PDZRN4: variants seen among roughly 807,000 people sequenced by gnomAD.
PDZRN4 encodes PDZ domain containing ring finger 4, also known as PDZ domain-containing RING finger protein 4.
Under a neutral mutation model 99.0 loss-of-function variants are expected in PDZRN4, and 70 were observed. That is an observed-to-expected ratio of 0.71 (90% CI 0.58 to 0.86). The LOEUF is 0.86. Ranked by LOEUF, PDZRN4 falls within the 40% of genes least tolerant of loss-of-function variation. The pLI, the probability that PDZRN4 is intolerant of heterozygous loss-of-function variation, is 0.00. For synonymous variants in PDZRN4, 551 were observed against 501.6 expected (o/e 1.10, Z -1.32); for missense variants, 1,474 against 1,331.2 (o/e 1.11, Z -1.67).
At chr12:41,449,744 A>C (rs972217155) in intron 3 of PDZRN4, among the ~76,000 whole-genome samples, 2 of 152,200 alleles carry the variant, frequency 1.3e-5, no homozygotes, top group African/African-American at 4.8e-5. Flanking sequence ...AATTAAATGA[A>C]TCAATTATTG....
At chr12:41,569,110 T>C in intron 9 of PDZRN4, among the ~76,000 whole-genome samples, 1 of 145,424 alleles carries the variant, frequency 6.9e-6, no homozygotes, top group Non-Finnish European at 1.5e-5. Flanking sequence ...TCTATTCTTA[T>C]TATTATCATT....
chr12:41,317,473 T>TA (rs958254387), intron 3 of PDZRN4, among the ~76,000 whole-genome samples: 2 of 152,042 alleles, frequency 1.3e-5, no homozygotes, highest in Admixed American at 1.3e-4. Context: ...TCAGCTCATC[T>TA]AAAAAAATGC....
intron 3 of PDZRN4, among the ~76,000 whole-genome samples, chr12:41,416,863 C>T (rs753142414): frequency 1.8e-4 from 28 of 152,150 alleles, no homozygotes; most frequent in South Asian, 4.1e-4. Context: ...GGTACTCCAG[C>T]TGAGTCCAAA....
chr12:41,294,564 TTAAAA>T (rs1209918057), intron 3 of PDZRN4, among the ~76,000 whole-genome samples: 1 of 152,142 alleles, frequency 6.6e-6, no homozygotes, highest in Non-Finnish European at 1.5e-5. Flanking sequence ...ATTATTTTAC[TTAAAA>T]TAGTATAACA....
intron 3 of PDZRN4, among the ~76,000 whole-genome samples, chr12:41,392,995 G>A (rs1240337435): frequency 6.6e-6 from 1 of 152,172 alleles, no homozygotes; most frequent in Non-Finnish European, 1.5e-5. Context: ...GGTACCTGTT[G>A]TGCCCCAGGC....
At chr12:41,539,574 A>G (rs569638629) in intron 5 of PDZRN4, among the ~76,000 whole-genome samples, 4 of 152,246 alleles carry the variant, frequency 2.6e-5, no homozygotes, top group South Asian at 2.1e-4. Context: ...AAAATAGCTT[A>G]GAAACATTGC....
intron 3 of PDZRN4, among the ~76,000 whole-genome samples, chr12:41,469,705 G>A (rs1013611288): frequency 3.3e-5 from 5 of 152,112 alleles, no homozygotes; most frequent in Non-Finnish European, 7.4e-5. Flanking sequence ...GCCGAGGGGG[G>A]CCGATCACGA....
intron 3 of PDZRN4, among the ~76,000 whole-genome samples, chr12:41,394,346 C>A (rs981517266): frequency 5.3e-5 from 8 of 152,184 alleles, no homozygotes; most frequent in Non-Finnish European, 1.2e-4. Flanking sequence ...CCCAAAGATG[C>A]TATTCCAAGA....
intron 5 of PDZRN4, among the ~76,000 whole-genome samples, chr12:41,546,530 G>A (rs564043286): frequency 3.9e-5 from 6 of 152,312 alleles, no homozygotes; most frequent in Admixed American, 1.3e-4. Context: ...ACAGGACCTA[G>A]AAGAACATGT....
chr12:41,234,818 C>T (rs775793786), intron 3 of PDZRN4, among the ~76,000 whole-genome samples: 5 of 152,108 alleles, frequency 3.3e-5, no homozygotes, highest in Non-Finnish European at 7.4e-5. Flanking sequence ...AACCCTACGA[C>T]AGATGGAGAC....
intron 3 of PDZRN4, among the ~76,000 whole-genome samples, chr12:41,338,602 C>A (rs1034201274): frequency 6.6e-6 from 1 of 151,680 alleles, no homozygotes; most frequent in Non-Finnish European, 1.5e-5. Context: ...TAAATAAAAT[C>A]AGAGATGAAA....
rs1950715517 is a variant in PDZRN4 at position 41,188,953 on chromosome 12, C to G, written c.498C>G (p.Ala166=). The G allele has an allele frequency of 6.9e-7, 1 of 1,455,182 alleles. No homozygotes were observed. The highest frequency in any genetic ancestry group is 9.1e-7 in the Non-Finnish European group (1 of 1,104,638). The allele number at this position is 1,455,182 out of a possible 1,614,324, so 90.1% of individuals were successfully genotyped here. A position where few individuals can be genotyped will look rare whatever the true frequency, so the allele number is the denominator to read the frequency against. ...RGRGPGPRVL[A]WRRREKALLA... is the part of the protein sequence containing the mutation. ...GGGGACCCGGGCCTCGGGTCCTCGC[C>G]TGGAGGCGGCGCGAGAAGGCGCTGC... Residue 166 remains alanine (A), a synonymous_variant, in exon 1 of 10, where the codon GCC becomes GCG. Coordinates refer to ENST00000402685, the MANE Select transcript of PDZRN4 (RefSeq NM_001164595.2).
chr12:41,387,275 A>G (rs1380138503), intron 3 of PDZRN4, among the ~76,000 whole-genome samples: 1 of 152,126 alleles, frequency 6.6e-6, no homozygotes, highest in Admixed American at 6.5e-5. Context: ...TACAAGAAAC[A>G]AACAACCCCA....
chr12:41,418,691 G>A lies in PDZRN4; in HGVS notation c.844-87765G>A, dbSNP rs115505878. On this transcript the variant is annotated intron_variant, in intron 3 of 9. Transcript: ENST00000402685. ...AGAGTTTGTTGTTATGTAAAACAAA[G>A]CAATTTTCCTGCAGTCCTCCTTGGA... Among the ~76,000 whole-genome samples, 264 of 152,272 alleles carry A rather than the reference G, an allele frequency of 1.7e-3. 2 individuals carry two copies. Among genetic ancestry groups the A allele is most frequent in the African/African-American group, 6.0e-3 (251 of 41,572 alleles).
chr12:41,248,926 T>C (rs967437995), intron 3 of PDZRN4, among the ~76,000 whole-genome samples: 5 of 152,198 alleles, frequency 3.3e-5, no homozygotes, highest in Non-Finnish European at 7.4e-5. Flanking sequence ...ATTTGTTTGG[T>C]AATAACCAGA....
At position 41,571,368 on chromosome 12, in the gene PDZRN4, TCTCTCTCTCA is replaced by T. The variant is rs768482162; in HGVS notation, c.1585-994_1585-985del. Among the ~76,000 whole-genome samples, 145 of 96,914 alleles carry T rather than the reference TCTCTCTCTCA, an allele frequency of 1.5e-3. 1 individual carries two copies. Among genetic ancestry groups the T allele is most frequent in the African/African-American group, 6.6e-3 (119 of 18,142 alleles). 63.6% of individuals were successfully genotyped at this position (96,914 alleles called of 152,430 possible). On this transcript the variant is annotated intron_variant, in intron 9 of 9. Transcript: ENST00000402685. ...CTCTCTCTCTCTCTCTCTCTCTCTC[TCTCTCTCTCA>T]CACACACACACACACACACACACAC...
At chr12:41,518,569 T>C (rs1490619202) in intron 5 of PDZRN4, among the ~76,000 whole-genome samples, 1 of 135,458 alleles carries the variant, frequency 7.4e-6, no homozygotes, top group African/African-American at 3.3e-5. Context: ...GAATAGTTTA[T>C]AATACTTCAG....
chr12:41,401,701 G>A (rs538079411), intron 3 of PDZRN4, among the ~76,000 whole-genome samples: 1 of 151,982 alleles, frequency 6.6e-6, no homozygotes, highest in East Asian at 1.9e-4. Flanking sequence ...AGCCTCTCTG[G>A]TATTGGCAGA....
At chr12:41,561,510 A>T (rs2120828738) in intron 7 of PDZRN4, among the ~76,000 whole-genome samples, 1 of 150,646 alleles carries the variant, frequency 6.6e-6, no homozygotes, top group African/African-American at 2.4e-5. Context: ...GACTAACATG[A>T]ATAAGTATTT....
Sources: allele counts gnomAD v4.1 joint callset (sites outside exome capture counted in the v4.1 genomes callset), GRCh38; gene constraint gnomAD v4.1.1; transcripts MANE v1.5; gene names NCBI Gene and HGNC (gene_info 2026-07-23, HGNC 2026-07-21).